The following SYNDIG1L variants were observed in gnomAD, a reference collection of about 807,000 sequenced individuals.
SYNDIG1L encodes the protein synapse differentiation-inducing gene protein 1-like.
In SYNDIG1L, 13 loss-of-function variants were observed where a neutral mutation model predicts 20.1. The ratio of observed to expected loss-of-function variants is 0.65; its 90% CI spans 0.42 to 1.03. The LOEUF is 1.03. Among genes scored for constraint, SYNDIG1L ranks in the 50% least tolerant of loss-of-function variants. The pLI, the probability that SYNDIG1L is intolerant of heterozygous loss-of-function variation, is 0.00. For missense variants in SYNDIG1L, 294 were observed against 305.1 expected (o/e 0.96, Z 0.27); for synonymous variants, 128 against 129.3 (o/e 0.99, Z 0.07).
Position 74,407,334 on chromosome 14 carries a change from G to T in SYNDIG1L, c.*201C>A, listed in dbSNP as rs1037865544. On this transcript the variant is annotated 3_prime_UTR_variant, in exon 4 of 4. Coordinates refer to ENST00000331628, the MANE Select transcript of SYNDIG1L (RefSeq NM_001105579.2). ...CCTGGGTTAGAGAGTGGCGCCCCGG[G>T]CCCTGCTCTGGGGCTGGGAGCAGCG... 1.5e-5 allele frequency: 11 copies of T among 736,702 alleles called. No individual in the cohort carries two copies. Among genetic ancestry groups the T allele is most frequent in the Non-Finnish European group, 2.0e-5 (9 of 461,434 alleles). The allele number at this position is 736,702 out of a possible 1,614,324, so 45.6% of individuals were successfully genotyped here. A position where few individuals can be genotyped will look rare whatever the true frequency, so the allele number is the denominator to read the frequency against.
the SYNDIG1L span, among the ~76,000 whole-genome samples, chr14:74,477,039 AACACACACACACACACACACACACAC>A: frequency 0.52 from 50,203 of 97,196 alleles, 10,729 homozygotes; most frequent in South Asian, 0.58. Flanking sequence ...CCCCATTCCC[AACACACACACACACACACACACACAC>A]ACACACACAC....
At chr14:74,440,734 C>G in the SYNDIG1L span, among the ~76,000 whole-genome samples, 6 of 151,882 alleles carry the variant, frequency 4.0e-5, no homozygotes, top group African/African-American at 1.4e-4. Context: ...TAGAATACCT[C>G]ATGTTTGTTT....
Position 74,418,306 on chromosome 14 carries a change from GGC to G in SYNDIG1L, c.-58+7604_-58+7605del, listed in dbSNP as rs2086193616. On this transcript the variant is annotated intron_variant, in intron 1 of 3. Coordinates refer to ENST00000331628, the MANE Select transcript of SYNDIG1L (RefSeq NM_001105579.2). ...AGAAAGAGCCAGGGGTGGCGAGGGG[GGC>G]GAGGTTGGCAGAGTCAAAGAAAATG... Among the ~76,000 whole-genome samples, 3 of 152,152 alleles carry G rather than the reference GGC, an allele frequency of 2.0e-5. No homozygotes were observed. In the South Asian group the frequency reaches 6.2e-4, roughly 32 times the overall value.
chr14:74,480,004 C>T, the SYNDIG1L span: 2 of 1,421,838 alleles, frequency 1.4e-6, no homozygotes, highest in Non-Finnish European at 1.8e-6. Flanking sequence ...TAGAAAGAGG[C>T]CACAAGTTAA....
At chr14:74,457,622 C>T in the SYNDIG1L span, among the ~76,000 whole-genome samples, 1 of 151,730 alleles carries the variant, frequency 6.6e-6, no homozygotes, top group South Asian at 2.1e-4. Context: ...TTTTTATCCA[C>T]TTGTTCCTGG....
the SYNDIG1L span, among the ~76,000 whole-genome samples, chr14:74,449,858 A>G: frequency 1.3e-5 from 2 of 152,106 alleles, no homozygotes; most frequent in Admixed American, 1.3e-4. Context: ...AAATAAATAG[A>G]AGAAAGGAAA....
the SYNDIG1L span, among the ~76,000 whole-genome samples, chr14:74,431,812 A>G: frequency 1.3e-5 from 2 of 152,156 alleles, no homozygotes; most frequent in Non-Finnish European, 2.9e-5. Flanking sequence ...CAAGTCCCCA[A>G]CTTCTCCGCT....
At chr14:74,461,249 T>C in the SYNDIG1L span, among the ~76,000 whole-genome samples, 1 of 152,024 alleles carries the variant, frequency 6.6e-6, no homozygotes, top group Non-Finnish European at 1.5e-5. Flanking sequence ...CGCCCGTCCA[T>C]CACACCAATT....
At chr14:74,412,358 G>A (rs946655956) in intron 1 of SYNDIG1L, among the ~76,000 whole-genome samples, 1 of 152,194 alleles carries the variant, frequency 6.6e-6, no homozygotes, top group Admixed American at 6.5e-5. Context: ...GGGGTTGAGG[G>A]CATGTGAGCT....
the SYNDIG1L span, among the ~76,000 whole-genome samples, chr14:74,464,547 A>G: frequency 6.6e-6 from 1 of 152,148 alleles, no homozygotes; most frequent in Non-Finnish European, 1.5e-5. Context: ...AGACTGTACT[A>G]CATTATCCCC....
Position 74,409,500 on chromosome 14 carries a change from G to C in SYNDIG1L, c.245C>G (p.Pro82Arg). 1 of 1,611,662 alleles carries C rather than the reference G, an allele frequency of 6.2e-7. No homozygotes were observed. Among genetic ancestry groups the C allele is most frequent in the Non-Finnish European group, 8.5e-7 (1 of 1,178,988 alleles). Residue 82 changes from proline (P) to arginine (R), a missense_variant, in exon 2 of 4, where the codon CCC becomes CGC. Pro to Arg is a moderately radical substitution (Grantham distance 103). Transcript: ENST00000331628. Reference sequence around the variant, plus strand: ...GCTTGTCTCACAGCTGCCTGCCCTGGGCTCCTTGACCTTGTCTCTCCCCAG... The same window carrying C: ...GCTTGTCTCACAGCTGCCTGCCCTGCGCTCCTTGACCTTGTCTCTCCCCAG... The part of the protein sequence containing the change: ...CLLGRDKVKE[P>R]RAGSCETSFT...
the SYNDIG1L span, among the ~76,000 whole-genome samples, chr14:74,445,099 G>A: frequency 6.6e-6 from 1 of 152,068 alleles, no homozygotes; most frequent in Non-Finnish European, 1.5e-5. Flanking sequence ...TGGTAACTCC[G>A]TTCTCACTCT....
intron 1 of SYNDIG1L, among the ~76,000 whole-genome samples, chr14:74,413,832 A>G (rs1343502967): frequency 6.6e-6 from 1 of 152,098 alleles, no homozygotes; most frequent in African/African-American, 2.4e-5. Flanking sequence ...CTCTTCTTCC[A>G]TAAAGCAATC....
At chr14:74,436,215 C>G in the SYNDIG1L span, among the ~76,000 whole-genome samples, 1 of 142,744 alleles carries the variant, frequency 7.0e-6, no homozygotes, top group African/African-American at 2.7e-5. Flanking sequence ...CTTGAAATCC[C>G]TTACCCCACT....
At chr14:74,453,389 A>AAAAAAAAAAAAAAAAAAC in the SYNDIG1L span, among the ~76,000 whole-genome samples, 1 of 64,042 alleles carries the variant, frequency 1.6e-5, no homozygotes, top group Admixed American at 1.6e-4. Context: ...AAAAAAAAAA[A>AAAAAAAAAAAAAAAAAAC]AAGAAGAAGA....
the SYNDIG1L span, among the ~76,000 whole-genome samples, chr14:74,442,057 C>T: frequency 6.6e-6 from 1 of 152,094 alleles, no homozygotes; most frequent in Non-Finnish European, 1.5e-5. Context: ...CCTCTCCGAA[C>T]CTTAATTTCT....
At chr14:74,427,601 G>A (rs1400720188), upstream of SYNDIG1L, among the ~76,000 whole-genome samples, 1 of 152,080 alleles carries the variant, frequency 6.6e-6, no homozygotes, top group Non-Finnish European at 1.5e-5. Context: ...TAACTTGTTG[G>A]GTGCTAAATA....
chr14:74,462,558 T>C, the SYNDIG1L span, among the ~76,000 whole-genome samples: 3 of 150,374 alleles, frequency 2.0e-5, no homozygotes, highest in African/African-American at 7.4e-5. Flanking sequence ...CGGGCTGGAG[T>C]GCAATGGTAT....
chr14:74,480,120 C>G, the SYNDIG1L span: 1 of 1,562,398 alleles, frequency 6.4e-7, no homozygotes, highest in Non-Finnish European at 8.6e-7. Flanking sequence ...ACCAGCCACC[C>G]GGAGCTCAGT....
Sources: allele counts gnomAD v4.1 joint callset (sites outside exome capture counted in the v4.1 genomes callset), GRCh38; gene constraint gnomAD v4.1.1; transcripts MANE v1.5; gene names NCBI Gene and HGNC (gene_info 2026-07-23, HGNC 2026-07-21).